Variants in TG observed in about 807,000 individuals in gnomAD.
The protein encoded by TG is thyroglobulin.
Under a neutral mutation model 324.7 loss-of-function variants are expected in TG, and 270 were observed. The ratio of observed to expected loss-of-function variants is 0.83; its 90% CI spans 0.75 to 0.92. The LOEUF is 0.92. TG is among the 40% of genes least tolerant of loss of function. The probability of loss-of-function intolerance (pLI) is 0.00; values close to 1 mark genes in which losing one functional copy is unlikely to be tolerated. For missense variants in TG, 3,591 were observed against 3,456.4 expected (o/e 1.04, Z -0.98); for synonymous variants, 1,401 against 1,327.0 (o/e 1.06, Z -1.21).
chr8:133,049,790 T>G (rs1840070328), intron 41 of TG: 6 of 793,644 alleles, frequency 7.6e-6, no homozygotes, highest in Non-Finnish European at 1.3e-5. Context: ...GACTATCTCT[T>G]CTTGACCCAG....
At chr8:132,925,275 A>G (rs935155051) in intron 22 of TG, among the ~76,000 whole-genome samples, 5 of 152,188 alleles carry the variant, frequency 3.3e-5, no homozygotes, top group African/African-American at 1.2e-4. Context: ...ATGTCAAACC[A>G]CCAAACCTTT....
At chr8:132,905,791 A>T (rs1818588657) in intron 16 of TG, among the ~76,000 whole-genome samples, 1 of 152,118 alleles carries the variant, frequency 6.6e-6, no homozygotes, top group African/African-American at 2.4e-5. Flanking sequence ...TGGGAATTCA[A>T]AAAAAAGAAG....
Position 132,871,345 on chromosome 8 carries a change from C to T in TG, c.275-3C>T. Reference sequence around the variant, plus strand: ...TATCTAACATTGCTCCTTGTACCCACAGGTCTGTCATTTTGTCAGCTACAG... The same window carrying T: ...TATCTAACATTGCTCCTTGTACCCATAGGTCTGTCATTTTGTCAGCTACAG... On this transcript the variant is annotated splice_region_variant and splice_polypyrimidine_tract_variant and intron_variant, in intron 3 of 47. Transcript: ENST00000220616. The T allele has an allele frequency of 6.2e-7, 1 of 1,614,198 alleles. No homozygotes were observed. The highest frequency in any genetic ancestry group is 8.5e-7 in the Non-Finnish European group (1 of 1,180,008).
At chr8:132,983,521 G>A (rs114974261) in intron 35 of TG, 109 bp downstream of exon 35, 14 of 1,103,466 alleles carry the variant, frequency 1.3e-5, no homozygotes, top group African/African-American at 1.1e-4. Context: ...CATATCACTC[G>A]CATTAATTCC....
intron 27 of TG, among the ~76,000 whole-genome samples, chr8:132,957,466 C>T (rs560896595): frequency 6.6e-6 from 1 of 152,094 alleles, no homozygotes; most frequent in South Asian, 2.1e-4. Flanking sequence ...CGGGAAGCAC[C>T]CATTTGTCTT....
intron 42 of TG, among the ~76,000 whole-genome samples, chr8:133,095,677 A>C (rs1015083183): frequency 5.9e-5 from 9 of 152,178 alleles, no homozygotes; most frequent in Non-Finnish European, 1.0e-4. Flanking sequence ...TAGCATGCAA[A>C]GTTCTTGCTT....
At chr8:133,087,798 C>T (rs1588052311) in intron 41 of TG, 1 of 152,124 alleles carries the variant, frequency 6.6e-6, no homozygotes, top group African/African-American at 2.4e-5. Flanking sequence ...GCAGGAGGTA[C>T]CCTGGGACTG....
At chr8:132,995,846 T>C (rs947425660) in intron 35 of TG, among the ~76,000 whole-genome samples, 1 of 152,172 alleles carries the variant, frequency 6.6e-6, no homozygotes, top group Non-Finnish European at 1.5e-5. Flanking sequence ...GGCTTTTCCT[T>C]AGTTAGAAAT....
At chr8:132,950,291 G>A (rs979138089) in intron 27 of TG, among the ~76,000 whole-genome samples, 5 of 152,234 alleles carry the variant, frequency 3.3e-5, no homozygotes, top group Non-Finnish European at 5.9e-5. Context: ...GTTGAGAGCA[G>A]TGAAGGCATG....
At chr8:132,898,685 G>C in intron 13 of TG, 113 bp from the exon 14 acceptor site, 1 of 835,414 alleles carries the variant, frequency 1.2e-6, no homozygotes, top group Non-Finnish European at 2.0e-6. Context: ...TCTCTATGAA[G>C]AGCACCTGCA....
At chr8:132,913,511 C>T (rs1282844752) in intron 20 of TG, among the ~76,000 whole-genome samples, 1 of 152,192 alleles carries the variant, frequency 6.6e-6, no homozygotes, top group African/African-American at 2.4e-5. Context: ...AGCTTGGACC[C>T]TGGGCCTGGC....
In TG at chr8:132,871,500, G is replaced by A. The variant is rs781719230; in HGVS notation, c.427G>A (p.Ala143Thr). 6.2e-6 allele frequency: 10 copies of A among 1,614,198 alleles called. No homozygotes were observed. The South Asian group carries it at 8.8e-5, about 14-fold the overall frequency. ...GCAGGTCCAGTGCTGGTGTGTGGAC[G>A]CAGAGGGGATGGAGGTGTATGGGAC... ...VQQVQCWCVDAEGMEVYGTRQ... is the reference protein window; with the variant it reads ...VQQVQCWCVDTEGMEVYGTRQ... The change falls in exon 4 of 48, where the codon GCA (alanine) becomes ACA (threonine). Residue 143 changes from alanine to threonine, a missense_variant. Coordinates refer to ENST00000220616, the MANE Select transcript of TG (RefSeq NM_003235.5).
intron 40 of TG, among the ~76,000 whole-genome samples, chr8:133,023,672 A>G (rs1231673039): frequency 6.6e-6 from 1 of 152,224 alleles, no homozygotes; most frequent in Non-Finnish European, 1.5e-5. Flanking sequence ...TGGTGACATC[A>G]GGACTCGCCC....
At chr8:132,986,396 A>G (rs1402000397) in intron 35 of TG, among the ~76,000 whole-genome samples, 1 of 109,146 alleles carries the variant, frequency 9.2e-6, no homozygotes, top group Non-Finnish European at 2.0e-5. Context: ...ATATATGTGT[A>G]TATATATGTA....
chr8:132,883,626 T>C (rs1032446260), intron 8 of TG, among the ~76,000 whole-genome samples: 16 of 152,064 alleles, frequency 1.1e-4, no homozygotes, highest in African/African-American at 3.6e-4. Context: ...TAACAAAGGC[T>C]TGGGGGCTTC....
intron 40 of TG, among the ~76,000 whole-genome samples, chr8:133,026,460 T>G (rs902966710): frequency 6.6e-6 from 1 of 152,128 alleles, no homozygotes; most frequent in African/African-American, 2.4e-5. Context: ...GGAGGCCATT[T>G]CCCCAAGCCT....
chr8:133,104,453 A>C (rs569603217), intron 43 of TG, among the ~76,000 whole-genome samples: 1 of 152,292 alleles, frequency 6.6e-6, no homozygotes, highest in East Asian at 1.9e-4. Flanking sequence ...TAGTAACTTA[A>C]ATTAGGGTTG....
chr8:132,969,649 A>G, intron 32 of TG, 80 bp downstream of exon 32: 1 of 1,103,914 alleles, frequency 9.1e-7, no homozygotes, highest in Non-Finnish European at 1.4e-6. Context: ...ACAGCTAAAA[A>G]CAGAAGCATA....
chr8:132,922,235 A>G (rs1178516491), intron 21 of TG, among the ~76,000 whole-genome samples: 3 of 152,358 alleles, frequency 2.0e-5, no homozygotes, highest in East Asian at 3.9e-4. Context: ...ACAAGGGGAC[A>G]TTAGCTAGGG....
Sources: gnomAD v4.1 joint callset for allele counts (sites outside exome capture counted in the v4.1 genomes callset) on GRCh38, gnomAD v4.1.1 for gene constraint, MANE v1.5 for transcripts, NCBI Gene and HGNC (gene_info 2026-07-23, HGNC 2026-07-21) for gene names.